IQSEC1: variants seen among roughly 807,000 people sequenced by gnomAD.
IQSEC1 encodes IQ motif and Sec7 domain ArfGEF 1.
IQSEC1 carries 31 observed loss-of-function variants against 91.0 expected under a neutral mutation model. That is an observed-to-expected ratio of 0.34 (90% CI 0.26 to 0.46). IQSEC1 has a LOEUF of 0.46. Ranked by LOEUF, IQSEC1 falls within the 20% of genes least tolerant of loss-of-function variation. IQSEC1 has a pLI of 1.00. For synonymous variants in IQSEC1, 699 were observed against 662.6 expected (o/e 1.05, Z -0.84); for missense variants, 1,388 against 1,575.6 (o/e 0.88, Z 2.02).
chr3:13,233,639 G>A (rs1365028140), intron 1 of IQSEC1, among the ~76,000 whole-genome samples: 4 of 152,050 alleles, frequency 2.6e-5, no homozygotes, highest in Admixed American at 6.5e-5. Context: ...CCTCCCCTCC[G>A]CCTGACTGTC....
intron 1 of IQSEC1, among the ~76,000 whole-genome samples, chr3:13,220,523 C>T (rs1694637840): frequency 6.6e-6 from 1 of 152,366 alleles, no homozygotes; most frequent in Non-Finnish European, 1.5e-5. Context: ...AAAGGCAAGG[C>T]TTCTGAGTCC....
intron 1 of IQSEC1, among the ~76,000 whole-genome samples, chr3:13,164,394 C>A (rs1693436073): frequency 1.3e-5 from 2 of 152,166 alleles, no homozygotes; most frequent in Non-Finnish European, 2.9e-5. Flanking sequence ...ACCTTGACTG[C>A]AATTGTTTTC....
At chr3:13,002,010 T>C (rs1576146065) in intron 1 of IQSEC1, among the ~76,000 whole-genome samples, 1 of 151,884 alleles carries the variant, frequency 6.6e-6, no homozygotes, top group Non-Finnish European at 1.5e-5. Flanking sequence ...GTGGCAGAGG[T>C]TGCAGTGAGC....
At chr3:13,083,100 G>C (rs1705674185) in intron 2 of IQSEC1, among the ~76,000 whole-genome samples, 1 of 152,220 alleles carries the variant, frequency 6.6e-6, no homozygotes, top group South Asian at 2.1e-4. Context: ...TGAGCCTGGT[G>C]GGGGCAAGGA....
At chr3:12,988,902 C>T (rs1559702464) in intron 1 of IQSEC1, among the ~76,000 whole-genome samples, 1 of 152,206 alleles carries the variant, frequency 6.6e-6, no homozygotes, top group East Asian at 1.9e-4. Flanking sequence ...AGCATCCGAG[C>T]TAGAAGGGCT....
chr3:13,056,457 T>C (rs1342260055), intron 1 of IQSEC1, among the ~76,000 whole-genome samples: 2 of 152,162 alleles, frequency 1.3e-5, no homozygotes, highest in African/African-American at 4.8e-5. Context: ...CTTCAGGTGC[T>C]GACAGGATCT....
At chr3:13,266,504 A>T (rs1201758115) in intron 1 of IQSEC1, among the ~76,000 whole-genome samples, 2 of 151,990 alleles carry the variant, frequency 1.3e-5, no homozygotes, top group Non-Finnish European at 2.9e-5. Flanking sequence ...CTTTCTCATT[A>T]AACCAGGAGG....
At chr3:13,031,724 T>C (rs1230521335) in intron 1 of IQSEC1, among the ~76,000 whole-genome samples, 3 of 151,964 alleles carry the variant, frequency 2.0e-5, no homozygotes, top group Admixed American at 2.0e-4. Context: ...ATGAGATAAT[T>C]TCCCAGGACG....
intron 3 of IQSEC1, among the ~76,000 whole-genome samples, chr3:12,925,557 G>A (rs2125220076): frequency 6.6e-6 from 1 of 152,318 alleles, no homozygotes; most frequent in African/African-American, 2.4e-5. Context: ...ATGGGAGGGT[G>A]ATGAAGGTGC....
intron 1 of IQSEC1, among the ~76,000 whole-genome samples, chr3:12,976,393 T>C (rs1453974360): frequency 2.0e-5 from 3 of 151,964 alleles, no homozygotes; most frequent in Non-Finnish European, 4.4e-5. Context: ...GCCTCACCAT[T>C]CCTCACTCAA....
intron 1 of IQSEC1, among the ~76,000 whole-genome samples, chr3:13,225,401 C>T (rs922712936): frequency 5.3e-5 from 8 of 152,214 alleles, no homozygotes; most frequent in African/African-American, 1.9e-4. Flanking sequence ...CATGAAGTCA[C>T]CTCAAGATGT....
rs544161514 is a variant in IQSEC1 at position 13,124,161 on chromosome 3, G to C, written c.302+39943C>G. Among the ~76,000 whole-genome samples the C allele has an allele frequency of 7.6e-4, 116 of 152,350 alleles. 1 individual carries two copies. Among genetic ancestry groups the C allele is most frequent in the Middle Eastern group, 3.4e-3 (1 of 294 alleles). On this transcript the variant is annotated intron_variant, in intron 2 of 15. Transcript: ENST00000648114. The stretch of plus-strand genomic sequence containing the variant: ...GGTTCGTCTGCAACTGGCTGTGAGT[G>C]CAGACAGCTTCCAGGGGCTGGGGGA...
chr3:12,908,169 T>C lies in IQSEC1; in HGVS notation c.2755+180A>G, dbSNP rs554489185. Among the ~76,000 whole-genome samples the C allele has an allele frequency of 7.9e-5, 12 of 152,362 alleles. No homozygotes were observed. The highest frequency in any genetic ancestry group is 2.9e-4 in the African/African-American group (12 of 41,600). ...GACGTTTGGGTCCTGTTTCCCTGTGTCTTTTTGGGGCGCCCTTTCTGTATG... is the reference window on the plus strand; with the variant it reads ...GACGTTTGGGTCCTGTTTCCCTGTGCCTTTTTGGGGCGCCCTTTCTGTATG... On this transcript the variant is annotated intron_variant, in intron 12 of 13. Transcript: ENST00000613206. This position sits in a 1 kb window ranked among gnomAD's most constrained non-coding sequence, Gnocchi z 4.9.
intron 1 of IQSEC1, among the ~76,000 whole-genome samples, chr3:13,217,029 C>A (rs762433928): frequency 6.6e-6 from 1 of 151,902 alleles, no homozygotes; most frequent in Non-Finnish European, 1.5e-5. Flanking sequence ...GGAGAAGAGC[C>A]CTGAAGGACA....
Position 12,935,924 on chromosome 3 carries a change from C to A in IQSEC1, c.1092G>T (p.Pro364=), listed in dbSNP as rs774268347. 9 of 1,600,012 alleles carry A rather than the reference C, an allele frequency of 5.6e-6. No individual in the cohort carries two copies. In the East Asian group the frequency reaches 6.7e-5, roughly 12 times the overall value. Residue 364 remains proline (P), a synonymous_variant, in exon 3 of 14, where the codon CCG becomes CCT. Transcript: ENST00000613206. The surrounding 1 kb of genome is among the most constrained non-coding windows in gnomAD (Gnocchi z 8.0). Reference sequence around the variant, plus strand: ...CGCTGGGTGGCTCGATGGTGAGCAGCGGCAGATGCTCCACCCGCAGCCGCT... The same window carrying A: ...CGCTGGGTGGCTCGATGGTGAGCAGAGGCAGATGCTCCACCCGCAGCCGCT... ...QEQRLRVEHL[P]LLTIEPPSDS...
At chr3:13,083,610 C>T (rs556339292) in intron 2 of IQSEC1, among the ~76,000 whole-genome samples, 34 of 152,396 alleles carry the variant, frequency 2.2e-4, no homozygotes, top group African/African-American at 7.5e-4. Flanking sequence ...TCGGGGCCTG[C>T]GTTGCAGTCA....
intron 1 of IQSEC1, among the ~76,000 whole-genome samples, chr3:13,217,700 C>T (rs1457954957): frequency 6.6e-6 from 1 of 152,178 alleles, no homozygotes; most frequent in East Asian, 1.9e-4. Flanking sequence ...TTTAAATTGC[C>T]TCACTCCTTT....
rs967876603 is a variant in IQSEC1 at position 12,936,791 on chromosome 3, G to A, written c.319-94C>T. 24 of 1,293,172 alleles carry A rather than the reference G, an allele frequency of 1.9e-5. No homozygotes were observed. In the African/African-American group the frequency reaches 3.6e-4, roughly 19 times the overall value. 80.1% of individuals were successfully genotyped at this position (1,293,172 alleles called of 1,614,324 possible). Reference sequence around the variant, plus strand: ...TCCCACTTCCTAGCCACGTGGCTGTGCGACCTGGGAAGGTCCCAAAGTTGG... The same window carrying A: ...TCCCACTTCCTAGCCACGTGGCTGTACGACCTGGGAAGGTCCCAAAGTTGG... On this transcript the variant is annotated intron_variant, in intron 2 of 13. Transcript: ENST00000613206.
At chr3:12,941,141 G>C (rs370532528) in intron 2 of IQSEC1, among the ~76,000 whole-genome samples, 2 of 152,266 alleles carry the variant, frequency 1.3e-5, no homozygotes, top group Admixed American at 6.5e-5. Context: ...GCTGTCAATG[G>C]ACCTCCCTCC....
Sources: allele counts gnomAD v4.1 joint callset (sites outside exome capture counted in the v4.1 genomes callset), GRCh38; gene constraint gnomAD v4.1.1; non-coding constraint Gnocchi (gnomAD v3.1); transcripts MANE v1.5; gene names NCBI Gene and HGNC (gene_info 2026-07-23, HGNC 2026-07-21).